Variants in RXRG observed in about 807,000 individuals in gnomAD.
RXRG encodes the protein retinoid X receptor gamma, also known as retinoic acid receptor RXR-gamma.
Under a neutral mutation model 49.2 loss-of-function variants are expected in RXRG, and 19 were observed. That is an observed-to-expected ratio of 0.39 (90% CI 0.27 to 0.57). RXRG has a LOEUF of 0.57. Ranked by LOEUF, RXRG falls within the 20% of genes least tolerant of loss-of-function variation. The pLI is 0.64. For synonymous variants in RXRG, 224 were observed against 216.6 expected (o/e 1.03, Z -0.30); for missense variants, 452 against 592.5 (o/e 0.76, Z 2.46).
chr1:165,444,817 C>T (rs533621989), intron 1 of RXRG, 28 bp downstream of exon 1: 1 of 1,606,180 alleles, frequency 6.2e-7, no homozygotes, highest in Non-Finnish European at 8.5e-7. Flanking sequence ...TACAGGTCCA[C>T]GCAGTGAAGC....
At chr1:165,420,264 T>C (rs1374946418) in intron 2 of RXRG, among the ~76,000 whole-genome samples, 1 of 152,222 alleles carries the variant, frequency 6.6e-6, no homozygotes, top group Non-Finnish European at 1.5e-5. Context: ...CATTAGAGTC[T>C]ATCTGCTTTT....
intron 8 of RXRG, among the ~76,000 whole-genome samples, chr1:165,407,904 A>G (rs1460679750): frequency 1.3e-5 from 2 of 151,404 alleles, no homozygotes; most frequent in Admixed American, 6.6e-5. Flanking sequence ...TTTCTTTCTC[A>G]TTCTATATTC....
intron 1 of RXRG, among the ~76,000 whole-genome samples, chr1:165,433,171 T>C (rs73021095): frequency 0.024 from 3,710 of 152,260 alleles, 156 homozygotes; most frequent in African/African-American, 0.084. Flanking sequence ...CCTTCCATCA[T>C]GTGAGGCACC....
chr1:165,442,781 T>A (rs1302449322), intron 1 of RXRG, among the ~76,000 whole-genome samples: 1 of 152,184 alleles, frequency 6.6e-6, no homozygotes, highest in Non-Finnish European at 1.5e-5. Flanking sequence ...TTCACAATAC[T>A]CTAAGGATGA....
At chr1:165,405,467 G>C (rs972795066) in intron 9 of RXRG, among the ~76,000 whole-genome samples, 1 of 152,254 alleles carries the variant, frequency 6.6e-6, no homozygotes, top group African/African-American at 2.4e-5. Context: ...TTTGTGGCCA[G>C]CTGGGCCACG....
At position 165,445,090 on chromosome 1, in the gene RXRG, T is replaced by C. The variant is rs1659120560; in HGVS notation, c.-197A>G. 1 of 588,996 alleles carries C rather than the reference T, an allele frequency of 1.7e-6. No individual in the cohort carries two copies. Among genetic ancestry groups the C allele is most frequent in the South Asian group, 2.2e-5 (1 of 46,032 alleles). 36.5% of individuals were successfully genotyped at this position (588,996 alleles called of 1,614,324 possible). ...CTGCCTCTAGATCGGAGAGTCCACA[T>C]AGTGCGTTTGAGACGGCTGTGGCGG... On this transcript the variant is annotated 5_prime_UTR_variant, in exon 1 of 10. The change abolishes an upstream ATG in the 5' untranslated region. Transcript: ENST00000359842.
intron 1 of RXRG, among the ~76,000 whole-genome samples, chr1:165,443,830 C>T (rs376011530): frequency 3.2e-4 from 48 of 152,280 alleles, no homozygotes; most frequent in African/African-American, 9.4e-4. Context: ...AATTGGTCCA[C>T]GGAGGAAGTC....
At chr1:165,439,419 C>T (rs1023642798) in intron 1 of RXRG, among the ~76,000 whole-genome samples, 2 of 151,612 alleles carry the variant, frequency 1.3e-5, no homozygotes, top group Non-Finnish European at 2.9e-5. Context: ...CAGCCCTTCT[C>T]TGGGGGCTAC....
intron 2 of RXRG, among the ~76,000 whole-genome samples, chr1:165,428,382 CT>C (rs1297978162): frequency 1.3e-5 from 2 of 152,218 alleles, no homozygotes; most frequent in Admixed American, 6.5e-5. Flanking sequence ...ACTTCAGTGA[CT>C]CAATAAATGC....
At chr1:165,414,597 G>A (rs1658069215) in intron 4 of RXRG, among the ~76,000 whole-genome samples, 1 of 152,170 alleles carries the variant, frequency 6.6e-6, no homozygotes, top group South Asian at 2.1e-4. Context: ...CTTATCTCAA[G>A]TGTTTTAGGA....
At chr1:165,417,886 T>A (rs1658176652) in intron 3 of RXRG, among the ~76,000 whole-genome samples, 1 of 152,058 alleles carries the variant, frequency 6.6e-6, no homozygotes. Flanking sequence ...GAAGATCACT[T>A]GAGGTCAGGA....
At chr1:165,422,372 C>A (rs756014409) in intron 2 of RXRG, among the ~76,000 whole-genome samples, 1 of 152,220 alleles carries the variant, frequency 6.6e-6, no homozygotes, top group African/African-American at 2.4e-5. Flanking sequence ...GAGATGCAGG[C>A]ACTGCCTCAA....
Position 165,401,232 on chromosome 1 carries a change from TC to T in RXRG, c.*30del, listed in dbSNP as rs764225135. 6.2e-7 allele frequency: 1 copy of T among 1,610,712 alleles called. No homozygotes were observed. Among genetic ancestry groups the T allele is most frequent in the East Asian group, 2.2e-5 (1 of 44,832 alleles). On this transcript the variant is annotated 3_prime_UTR_variant, in exon 10 of 10. Coordinates refer to ENST00000359842, the MANE Select transcript of RXRG (RefSeq NM_006917.5). ...TCCACACACACCTGCCCAGGGGTCA[TC>T]CTGGGTGGGGAGGCTGTGGCTGGTG...
chr1:165,424,035 T>C (rs1206485513), intron 2 of RXRG, among the ~76,000 whole-genome samples: 2 of 152,170 alleles, frequency 1.3e-5, no homozygotes, highest in Non-Finnish European at 2.9e-5. Context: ...ACAGGAGTAT[T>C]GCAAAGATCT....
In RXRG at chr1:165,417,115, A is replaced by G. The variant is rs1245567447; in HGVS notation, c.548T>C (p.Ile183Thr). 4.3e-6 allele frequency: 7 copies of G among 1,614,080 alleles called. No homozygotes were observed. The highest frequency in any genetic ancestry group is 1.3e-5 in the African/African-American group (1 of 74,948). The change falls in exon 4 of 10, where the codon ATT becomes ACT. Residue 183 changes from isoleucine to threonine, a missense_variant. Ile to Thr is a moderately conservative substitution (Grantham distance 89). Coordinates refer to ENST00000359842, the MANE Select transcript of RXRG (RefSeq NM_006917.5). The part of the protein sequence containing the change: ...YTCRDNKDCL[I>T]DKRQRNRCQY... ...GCAGCGGTTGCGCTGACGCTTGTCA[A>G]TGAGGCAGTCTTTATTATCCCGACA...
chr1:165,443,231 G>C (rs1659059317), intron 1 of RXRG, among the ~76,000 whole-genome samples: 2 of 152,068 alleles, frequency 1.3e-5, no homozygotes, highest in African/African-American at 4.8e-5. Context: ...TGTCTCCAAG[G>C]GTCTCTTTGG....
At chr1:165,422,056 C>T (rs899728507) in intron 2 of RXRG, among the ~76,000 whole-genome samples, 3 of 152,066 alleles carry the variant, frequency 2.0e-5, no homozygotes, top group Non-Finnish European at 4.4e-5. Flanking sequence ...CTCAGAGGGA[C>T]AAGAAAAGTC....
intron 4 of RXRG, among the ~76,000 whole-genome samples, chr1:165,414,429 A>C (rs1314704931): frequency 1.3e-5 from 2 of 152,164 alleles, no homozygotes; most frequent in Non-Finnish European, 2.9e-5. Flanking sequence ...CTCTGTCCCT[A>C]ACTGAGCTGG....
intron 1 of RXRG, among the ~76,000 whole-genome samples, chr1:165,436,736 G>T (rs1244230946): frequency 6.6e-6 from 1 of 152,152 alleles, no homozygotes; most frequent in Non-Finnish European, 1.5e-5. Flanking sequence ...CCCAGGCAGT[G>T]ACCTTGAGAA....
Sources: allele counts gnomAD v4.1 joint callset (sites outside exome capture counted in the v4.1 genomes callset), GRCh38; gene constraint gnomAD v4.1.1; transcripts MANE v1.5; gene names NCBI Gene and HGNC (gene_info 2026-07-23, HGNC 2026-07-21).